CDH8: variants seen among roughly 807,000 people sequenced by gnomAD.
CDH8 encodes cadherin 8, also known as cadherin-8.
Under a neutral mutation model 68.1 loss-of-function variants are expected in CDH8, and 17 were observed. That is an observed-to-expected ratio of 0.25 (90% CI 0.17 to 0.37). The LOEUF is 0.37. CDH8 is among the 10% of genes least tolerant of loss of function. The probability of loss-of-function intolerance (pLI) is 1.00; values close to 1 mark genes in which losing one functional copy is unlikely to be tolerated. For missense variants in CDH8, 763 were observed against 999.3 expected, an observed-to-expected ratio of 0.76 and a Z score of 3.19; for synonymous variants, 372 against 365.1, an observed-to-expected ratio of 1.02 and a Z score of -0.21.
intron 1 of CDH8, among the ~76,000 whole-genome samples, chr16:62,028,483 TCTC>T (rs1321339093): frequency 3.9e-5 from 6 of 152,102 alleles, no homozygotes; most frequent in Admixed American, 3.3e-4. Flanking sequence ...AATAAATGCC[TCTC>T]CTCCTCCTTC....
intron 2 of CDH8, among the ~76,000 whole-genome samples, chr16:61,921,889 G>A (rs534649621): frequency 1.1e-4 from 17 of 152,222 alleles, no homozygotes; most frequent in Non-Finnish European, 1.6e-4. Context: ...AACTTAGTCG[G>A]GCACGGTGGC....
intron 8 of CDH8, among the ~76,000 whole-genome samples, chr16:61,755,576 T>C (rs1388870671): frequency 6.6e-6 from 1 of 152,134 alleles, no homozygotes; most frequent in East Asian, 1.9e-4. Flanking sequence ...AAATTTCAAA[T>C]ATATTAAATT....
At chr16:61,679,825 A>G (rs996364044) in intron 10 of CDH8, among the ~76,000 whole-genome samples, 5 of 152,056 alleles carry the variant, frequency 3.3e-5, no homozygotes, top group Admixed American at 3.3e-4. Context: ...ATGACTCTTC[A>G]GTGTTTTCTT....
chr16:61,910,563 T>G (rs1964143846), intron 2 of CDH8, among the ~76,000 whole-genome samples: 1 of 152,140 alleles, frequency 6.6e-6, no homozygotes, highest in African/African-American at 2.4e-5. Flanking sequence ...TTACTTAACC[T>G]CTCCAAGACT....
intron 2 of CDH8, among the ~76,000 whole-genome samples, chr16:62,002,470 C>T (rs1567563895): frequency 6.6e-6 from 1 of 152,098 alleles, no homozygotes; most frequent in Non-Finnish European, 1.5e-5. Context: ...TGAGTGTATA[C>T]CTCATATGGA....
intron 7 of CDH8, among the ~76,000 whole-genome samples, chr16:61,798,926 G>A (rs1347380755): frequency 1.3e-5 from 2 of 152,156 alleles, no homozygotes; most frequent in African/African-American, 2.4e-5. Context: ...ATTAGCAAAA[G>A]ATGACTAAAT....
chr16:61,695,851 G>T (rs1964315546), intron 10 of CDH8, among the ~76,000 whole-genome samples: 1 of 152,114 alleles, frequency 6.6e-6, no homozygotes, highest in African/African-American at 2.4e-5. Flanking sequence ...TAACCGAGTT[G>T]TGCAGGCATT....
chr16:61,887,009 AC>A (rs1434155456), intron 3 of CDH8, among the ~76,000 whole-genome samples: 2 of 152,216 alleles, frequency 1.3e-5, no homozygotes, highest in Non-Finnish European at 2.9e-5. Context: ...CAGACTTGAA[AC>A]AGGTTAGAGG....
At chr16:61,741,578 GT>G (rs1266886048) in intron 8 of CDH8, among the ~76,000 whole-genome samples, 1 of 152,118 alleles carries the variant, frequency 6.6e-6, no homozygotes, top group Non-Finnish European at 1.5e-5. Flanking sequence ...TCACAGTTCA[GT>G]TTTTTTCCAC....
chr16:61,912,537 A>T (rs556029354), intron 2 of CDH8, among the ~76,000 whole-genome samples: 1 of 152,236 alleles, frequency 6.6e-6, no homozygotes, highest in Admixed American at 6.5e-5. Flanking sequence ...AATTGGGATG[A>T]AGAGAATGGA....
At chr16:61,861,969 T>G (rs1028204774) in intron 3 of CDH8, among the ~76,000 whole-genome samples, 1 of 152,172 alleles carries the variant, frequency 6.6e-6, no homozygotes, top group African/African-American at 2.4e-5. Context: ...AATGCTTTAA[T>G]TTATAATTAA....
intron 3 of CDH8, among the ~76,000 whole-genome samples, chr16:61,874,563 C>T (rs1963428082): frequency 6.6e-6 from 1 of 151,988 alleles, no homozygotes; most frequent in Non-Finnish European, 1.5e-5. Flanking sequence ...AATCTCCTGA[C>T]CTCGTGATCT....
At chr16:61,741,394 T>C (rs1445491439) in intron 8 of CDH8, among the ~76,000 whole-genome samples, 1 of 152,206 alleles carries the variant, frequency 6.6e-6, no homozygotes, top group Admixed American at 6.5e-5. Context: ...ATTCAATCAA[T>C]TGAATTCATC....
chr16:62,033,992 A>G (rs1464860798), intron 1 of CDH8, among the ~76,000 whole-genome samples: 2 of 152,218 alleles, frequency 1.3e-5, no homozygotes, highest in Admixed American at 1.3e-4. Context: ...TTATTATTTA[A>G]TAAGGGGGAT....
intron 8 of CDH8, among the ~76,000 whole-genome samples, chr16:61,735,220 G>T (rs1418768439): frequency 5.3e-5 from 8 of 151,982 alleles, no homozygotes; most frequent in African/African-American, 1.9e-4. Flanking sequence ...ATGTGATCTT[G>T]GCAGGTTTCT....
chr16:61,774,663 A>G (rs1960862684), intron 8 of CDH8, among the ~76,000 whole-genome samples: 1 of 152,056 alleles, frequency 6.6e-6, no homozygotes, highest in Non-Finnish European at 1.5e-5. Flanking sequence ...TTCTTCATTC[A>G]TTCAGTCATT....
intron 8 of CDH8, among the ~76,000 whole-genome samples, chr16:61,757,239 C>T (rs1053558717): frequency 1.3e-5 from 2 of 151,866 alleles, no homozygotes; most frequent in African/African-American, 4.8e-5. Context: ...CTAGTTTTAT[C>T]CAAAAACAAA....
chr16:61,655,852 T>G, intron 10 of CDH8, 131 bp from the exon 11 acceptor site: 1 of 758,854 alleles, frequency 1.3e-6, no homozygotes, highest in Non-Finnish European at 2.1e-6. Flanking sequence ...GCTCAGGCTT[T>G]TTCCCTGACT....
chr16:61,926,559 G>A (rs914105145), intron 2 of CDH8, among the ~76,000 whole-genome samples: 2 of 152,098 alleles, frequency 1.3e-5, no homozygotes, highest in African/African-American at 4.8e-5. Context: ...TATCCTTAGG[G>A]TTCTGTGACA....
Sources: allele counts gnomAD v4.1 joint callset (sites outside exome capture counted in the v4.1 genomes callset), GRCh38; gene constraint gnomAD v4.1.1; transcripts MANE v1.5; gene names NCBI Gene and HGNC (gene_info 2026-07-23, HGNC 2026-07-21).